Variants in FGF14 observed in about 807,000 individuals in gnomAD.
The protein encoded by FGF14 is fibroblast growth factor 14, also known as fibroblast growth factor homologous factor 4.
Under a neutral mutation model 25.5 loss-of-function variants are expected in FGF14, and 5 were observed. The ratio of observed to expected loss-of-function variants is 0.20; its 90% confidence interval spans 0.10 to 0.41. The LOEUF (loss-of-function observed/expected upper bound fraction) is 0.41, where lower values mean the gene tolerates loss of function less well. FGF14 is among the 10% of genes least tolerant of loss of function. The probability of loss-of-function intolerance (pLI) is 1.00; values close to 1 mark genes in which losing one functional copy is unlikely to be tolerated. For missense variants in FGF14, 222 were observed against 320.1 expected, an observed-to-expected ratio of 0.69 and a Z score of 2.34; for synonymous variants, 138 against 118.3, an observed-to-expected ratio of 1.17 and a Z score of -1.08.
chr13:102,303,911 T>C (rs1220875869), intron 1 of FGF14, among the ~76,000 whole-genome samples: 1 of 152,208 alleles, frequency 6.6e-6, no homozygotes, highest in Non-Finnish European at 1.5e-5. Flanking sequence ...TGTAGCTTGC[T>C]AAGCAACAAA....
chr13:102,116,631 CCT>C (rs2045485204), intron 1 of FGF14, among the ~76,000 whole-genome samples: 1 of 151,604 alleles, frequency 6.6e-6, no homozygotes, highest in South Asian at 2.1e-4. Context: ...TTAATAAAGA[CCT>C]AAAGTATATC....
chr13:101,759,885 G>T (rs972089138), intron 3 of FGF14, among the ~76,000 whole-genome samples: 12 of 152,238 alleles, frequency 7.9e-5, no homozygotes, highest in African/African-American at 2.6e-4. Flanking sequence ...GGATCAGCCT[G>T]GAAGTTTCAG....
intron 1 of FGF14, among the ~76,000 whole-genome samples, chr13:102,282,302 G>A (rs1195939153): frequency 6.6e-6 from 1 of 152,130 alleles, no homozygotes; most frequent in East Asian, 1.9e-4. Context: ...CCAACCTCAG[G>A]TGATCCGCCC....
chr13:101,956,885 G>GT (rs1483044886), intron 1 of FGF14, among the ~76,000 whole-genome samples: 2 of 150,926 alleles, frequency 1.3e-5, no homozygotes, highest in Middle Eastern at 3.5e-3. Flanking sequence ...CTTTGTTTTT[G>GT]TTTTTTTCTC....
chr13:102,096,431 A>T (rs76264416), intron 1 of FGF14, among the ~76,000 whole-genome samples: 2 of 57,566 alleles, frequency 3.5e-5, no homozygotes, highest in East Asian at 3.7e-4. Flanking sequence ...CTCTTTAATT[A>T]AAAAAAAAAC....
At chr13:102,248,637 T>C (rs1302322273) in intron 1 of FGF14, among the ~76,000 whole-genome samples, 1 of 152,172 alleles carries the variant, frequency 6.6e-6, no homozygotes, top group East Asian at 1.9e-4. Context: ...GATTCTGGGC[T>C]AAGTTTGGAT....
At chr13:102,298,832 G>A (rs74112311) in intron 1 of FGF14, among the ~76,000 whole-genome samples, 3,744 of 152,240 alleles carry the variant, frequency 0.025, 154 homozygotes, top group African/African-American at 0.084. Flanking sequence ...TCCGGTGTCT[G>A]AGAAAACATC....
chr13:102,111,924 A>G (rs2045248829), intron 1 of FGF14, among the ~76,000 whole-genome samples: 1 of 152,158 alleles, frequency 6.6e-6, no homozygotes, highest in Non-Finnish European at 1.5e-5. Flanking sequence ...TTCTTTAGAA[A>G]TAGTTCCTAT....
chr13:101,976,208 G>A (rs1188437327), intron 1 of FGF14, among the ~76,000 whole-genome samples: 3 of 151,988 alleles, frequency 2.0e-5, no homozygotes, highest in Non-Finnish European at 4.4e-5. Flanking sequence ...ATAATCCAGT[G>A]ATTTCCAAAG....
At chr13:102,087,090 A>G (rs2390699) in intron 1 of FGF14, among the ~76,000 whole-genome samples, 59,208 of 152,136 alleles carry the variant, frequency 0.39, 13,537 homozygotes, top group Non-Finnish European at 0.51. Flanking sequence ...CAGAGATCCA[A>G]AAATAATCCT....
At chr13:101,828,952 T>C (rs569108128) in intron 3 of FGF14, among the ~76,000 whole-genome samples, 42 of 152,194 alleles carry the variant, frequency 2.8e-4, no homozygotes, top group African/African-American at 9.1e-4. Flanking sequence ...TGTTAGAGAC[T>C]GCTGATAGCA....
rs778352765 is a variant in FGF14 at position 101,916,574 on chromosome 13, C to T, written c.72G>A (p.Pro24=). The T allele has an allele frequency of 7.5e-6, 12 of 1,609,686 alleles. No homozygotes were observed. Among genetic ancestry groups the T allele is most frequent in the African/African-American group, 1.3e-5 (1 of 74,906 alleles). Residue 24 remains proline, a synonymous_variant, in exon 1 of 5, where the codon CCG becomes CCA. Coordinates refer to ENST00000376143, the MANE Select transcript of FGF14 (RefSeq NM_004115.4). ...RQAREQHWDR[P]SASRRRSSPS... ...GGCTGCTCCGCCTCCTGCTGGCAGA[C>T]GGCCGGTCCCAGTGCTGCTCCCGCG...
intron 1 of FGF14, among the ~76,000 whole-genome samples, chr13:101,887,328 G>A (rs1006148749): frequency 2.0e-5 from 3 of 147,640 alleles, no homozygotes; most frequent in Non-Finnish European, 4.5e-5. Context: ...ATATATGTGT[G>A]TATATATATA....
At chr13:101,851,880 C>T (rs1043990975) in intron 3 of FGF14, among the ~76,000 whole-genome samples, 1 of 152,088 alleles carries the variant, frequency 6.6e-6, no homozygotes. Flanking sequence ...ATCAAGGACA[C>T]CAAGCCCTCT....
Position 102,188,946 on chromosome 13 carries a change from G to GAGAAAGAAAGAAAGAA in FGF14, c.208+212509_208+212524dup, listed in dbSNP as rs71125054. ...ACAGAGTGAGAAAAAAAAGAAAGGA[G>GAGAAAGAAAGAAAGAA]AGAAAGAAAGAAAGAAAGAAAGAAA... On this transcript the variant is annotated intron_variant, in intron 1 of 4. Transcript: ENST00000376131. Among the ~76,000 whole-genome samples, 192 of 90,898 alleles carry GAGAAAGAAAGAAAGAA rather than the reference G, an allele frequency of 2.1e-3. 1 individual carries two copies. Among genetic ancestry groups the GAGAAAGAAAGAAAGAA allele is most frequent in the Non-Finnish European group, 3.1e-3 (141 of 45,804 alleles). 59.6% of individuals were successfully genotyped at this position (90,898 alleles called of 152,430 possible). A position where few individuals can be genotyped will look rare whatever the true frequency, so the allele number is the denominator to read the frequency against.
chr13:101,908,792 A>G (rs1414902884), intron 1 of FGF14, among the ~76,000 whole-genome samples: 2 of 152,306 alleles, frequency 1.3e-5, no homozygotes, highest in African/African-American at 2.4e-5. Flanking sequence ...AGTCAATCCT[A>G]AAACAAAAGA....
chr13:102,206,685 A>T (rs1004343271), intron 1 of FGF14, among the ~76,000 whole-genome samples: 3 of 152,080 alleles, frequency 2.0e-5, no homozygotes, highest in Non-Finnish European at 4.4e-5. Flanking sequence ...TGTCTCAAAG[A>T]ATATATATAT....
At chr13:102,114,989 A>G (rs942927458) in intron 1 of FGF14, among the ~76,000 whole-genome samples, 2 of 152,216 alleles carry the variant, frequency 1.3e-5, no homozygotes, top group Admixed American at 1.3e-4. Context: ...AGTAAAATAA[A>G]ATAAACATTT....
intron 1 of FGF14, among the ~76,000 whole-genome samples, chr13:102,219,190 T>C (rs934701546): frequency 2.0e-5 from 3 of 152,226 alleles, no homozygotes; most frequent in African/African-American, 7.2e-5. Context: ...TTTGACATTT[T>C]CTCTTGCTTC....
Sources: allele counts gnomAD v4.1 joint callset (sites outside exome capture counted in the v4.1 genomes callset), GRCh38; gene constraint gnomAD v4.1.1; transcripts MANE v1.5; gene names NCBI Gene and HGNC (gene_info 2026-07-23, HGNC 2026-07-21).